The following SHANK2 variants were observed in gnomAD, a reference collection of about 807,000 sequenced individuals.
SHANK2 encodes the protein SH3 and multiple ankyrin repeat domains protein 2.
SHANK2 carries 43 observed loss-of-function variants against 133.7 expected under a neutral mutation model. The observed-to-expected ratio is 0.32, with a 90% CI of 0.25 to 0.41. The LOEUF is 0.41. Ranked by LOEUF, SHANK2 falls within the 10% of genes least tolerant of loss-of-function variation. The pLI is 1.00. For missense variants in SHANK2, 1,994 were observed against 2,235.8 expected, an observed-to-expected ratio of 0.89 and a Z score of 2.18; for synonymous variants, 1,017 against 952.8, an observed-to-expected ratio of 1.07 and a Z score of -1.24.
At chr11:71,086,319 T>TAA in intron 8 of SHANK2, among the ~76,000 whole-genome samples, 1 of 116,824 alleles carries the variant, frequency 8.6e-6, no homozygotes, top group African/African-American at 3.5e-5. Context: ...ATATAGTATA[T>TAA]GTTATATTAT....
At chr11:70,618,100 C>A (rs531216792) in intron 17 of SHANK2, among the ~76,000 whole-genome samples, 42 of 152,094 alleles carry the variant, frequency 2.8e-4, no homozygotes, top group Admixed American at 9.8e-4. Flanking sequence ...AGTTTGAGAC[C>A]AGCCTGGCAA....
At chr11:70,542,822 C>G (rs7121058) in intron 17 of SHANK2, among the ~76,000 whole-genome samples, 1 of 152,158 alleles carries the variant, frequency 6.6e-6, no homozygotes, top group Non-Finnish European at 1.5e-5. Flanking sequence ...TCCTAACTCC[C>G]GGGCACCATA....
intron 10 of SHANK2, among the ~76,000 whole-genome samples, chr11:70,926,618 G>T (rs781836708): frequency 7.9e-5 from 12 of 152,038 alleles, no homozygotes; most frequent in Non-Finnish European, 1.6e-4. Context: ...CCAACAAACG[G>T]CACACAATTT....
chr11:70,658,401 C>G (rs1456876674), intron 17 of SHANK2, among the ~76,000 whole-genome samples: 3 of 152,122 alleles, frequency 2.0e-5, no homozygotes, highest in Non-Finnish European at 4.4e-5. Context: ...GGTTACAAAT[C>G]GAGTTAGCCC....
chr11:70,794,365 G>C (rs2135196843), intron 14 of SHANK2, among the ~76,000 whole-genome samples: 1 of 152,092 alleles, frequency 6.6e-6, no homozygotes, highest in South Asian at 2.1e-4. Context: ...AAAGAAGTTG[G>C]GCCCGAGAGT....
At chr11:70,781,822 T>C (rs1244852585) in intron 14 of SHANK2, among the ~76,000 whole-genome samples, 3 of 140,918 alleles carry the variant, frequency 2.1e-5, no homozygotes, top group East Asian at 4.5e-4. Context: ...CGTATGTTTA[T>C]TGTGGCACTA....
At chr11:71,251,890 G>A (rs1555125903) in intron 1 of SHANK2, among the ~76,000 whole-genome samples, 1 of 151,844 alleles carries the variant, frequency 6.6e-6, no homozygotes, top group African/African-American at 2.4e-5. Flanking sequence ...GCGGGGTCTC[G>A]GGGGACCTGG....
At chr11:70,933,398 C>G (rs1221066927) in intron 10 of SHANK2, 2 of 439,264 alleles carry the variant, frequency 4.6e-6, no homozygotes, top group East Asian at 1.4e-4. Context: ...TTAATGGGGA[C>G]AGAGTTTCAG....
At chr11:70,895,679 G>A (rs1565390508) in intron 11 of SHANK2, 1 of 152,464 alleles carries the variant, frequency 6.6e-6, no homozygotes, top group Admixed American at 6.6e-5. Flanking sequence ...CGGGTCACCA[G>A]CTCTTTGCCT....
intron 17 of SHANK2, among the ~76,000 whole-genome samples, chr11:70,625,245 G>A (rs1342379528): frequency 2.0e-5 from 3 of 152,180 alleles, no homozygotes; most frequent in Non-Finnish European, 4.4e-5. Context: ...GTGACAACAC[G>A]CATGGGGCAT....
intron 14 of SHANK2, among the ~76,000 whole-genome samples, chr11:70,770,665 CA>C (rs1484848840): frequency 2.6e-5 from 4 of 152,164 alleles, no homozygotes; most frequent in Non-Finnish European, 5.9e-5. Context: ...TAACCGTTTA[CA>C]AATAAAAAGC....
chr11:70,926,351 A>G (rs4980561), intron 10 of SHANK2, among the ~76,000 whole-genome samples: 152,211 of 152,356 alleles, frequency 1, 76,033 homozygotes, highest in Non-Finnish European at 1. Flanking sequence ...GCAGGGGTGG[A>G]AAGGACATGC....
At chr11:70,854,088 G>A (rs1555066395) in intron 11 of SHANK2, among the ~76,000 whole-genome samples, 4 of 152,232 alleles carry the variant, frequency 2.6e-5, no homozygotes, top group African/African-American at 9.6e-5. Context: ...AGTGTTAACA[G>A]TGATTCACTT....
intron 3 of SHANK2, among the ~76,000 whole-genome samples, chr11:71,141,323 T>A (rs7127723): frequency 6.7e-6 from 1 of 148,210 alleles, no homozygotes; most frequent in South Asian, 2.2e-4. Flanking sequence ...TGAAACCCCC[T>A]CTCTACTAAA....
chr11:70,854,175 C>T (rs563197255), intron 11 of SHANK2, among the ~76,000 whole-genome samples: 8 of 152,254 alleles, frequency 5.3e-5, no homozygotes, highest in South Asian at 2.1e-4. Flanking sequence ...GTAATTTCTA[C>T]GAAGACCACA....
intron 11 of SHANK2, among the ~76,000 whole-genome samples, chr11:70,822,368 T>C (rs1284516262): frequency 6.6e-6 from 1 of 152,188 alleles, no homozygotes; most frequent in Admixed American, 6.5e-5. Flanking sequence ...ACGTCACAAG[T>C]AGTTTAGGAC....
chr11:70,745,901 C>T (rs762957825), intron 14 of SHANK2, among the ~76,000 whole-genome samples: 1 of 152,258 alleles, frequency 6.6e-6, no homozygotes, highest in South Asian at 2.1e-4. Context: ...ATTCCTTCAT[C>T]CGTGTCCTTC....
chr11:70,548,720 C>T (rs564559430), intron 17 of SHANK2, among the ~76,000 whole-genome samples: 1 of 152,284 alleles, frequency 6.6e-6, no homozygotes, highest in East Asian at 1.9e-4. Context: ...TGTCCTAACC[C>T]CCGGAGCCTG....
chr11:70,629,036 A>G (rs535186724), intron 17 of SHANK2, among the ~76,000 whole-genome samples: 1 of 152,328 alleles, frequency 6.6e-6, no homozygotes, highest in African/African-American at 2.4e-5. Flanking sequence ...GGAAACGCCA[A>G]CACTTGGAGA....
Sources: allele counts gnomAD v4.1 joint callset (sites outside exome capture counted in the v4.1 genomes callset), GRCh38; gene constraint gnomAD v4.1.1; transcripts MANE v1.5; gene names NCBI Gene and HGNC (gene_info 2026-07-23, HGNC 2026-07-21).